SNRPB: variants seen among roughly 807,000 people sequenced by gnomAD.
SNRPB encodes the protein small nuclear ribonucleoprotein polypeptides B and B1.
Under a neutral mutation model 26.6 loss-of-function variants are expected in SNRPB, and 5 were observed. The ratio of observed to expected loss-of-function variants is 0.19; its 90% confidence interval spans 0.10 to 0.39. SNRPB has a LOEUF of 0.39. SNRPB is among the 10% of genes least tolerant of loss of function. The pLI is 1.00. For missense variants in SNRPB, 211 were observed against 311.9 expected (o/e 0.68, Z 2.44); for synonymous variants, 122 against 105.8 (o/e 1.15, Z -0.94).
At position 2,470,337 on chromosome 20, in the gene SNRPB, G is replaced by A. The variant is rs529604670; in HGVS notation, c.3+351C>T. Among the ~76,000 whole-genome samples, 3 of 152,282 alleles carry A rather than the reference G, an allele frequency of 2.0e-5. No homozygotes were observed. The East Asian group carries it at 5.8e-4, about 29-fold the overall frequency. On this transcript the variant is annotated intron_variant, in intron 1 of 6. Transcript: ENST00000381342. ...TCTGAGCCTTTTACCGGGTCCCCCT[G>A]CGGCTCCAGTGCCTGCTCCGAAGCC...
chr20:2,463,109 C>G lies in SNRPB; in HGVS notation c.539G>C (p.Gly180Ala). Residue 180 changes from glycine (G) to alanine (A), a missense_variant, in exon 5 of 7, where the codon GGC (glycine) becomes GCC (alanine). Physicochemically the swap from Gly to Ala is moderately conservative, Grantham distance 60 (BLOSUM62 0). Transcript: ENST00000381342. The surrounding 1 kb of genome is among the most constrained non-coding windows in gnomAD (Gnocchi z 5.0). ...PGRGGPPPPM[G>A]RGAPPPGMMG... ...CTCACCTGGAGGGGGTGCTCCTCGG[C>G]CCATAGGTGGGGGAGGACCCCCACG... 1 of 1,592,898 alleles carries G rather than the reference C, an allele frequency of 6.3e-7. No individual in the cohort carries two copies. Among genetic ancestry groups the G allele is most frequent in the Non-Finnish European group, 8.5e-7 (1 of 1,169,960 alleles).
intron 2 of SNRPB, chr20:2,467,081 T>A: frequency 3.5e-6 from 1 of 284,258 alleles, no homozygotes; most frequent in South Asian, 2.8e-5. Flanking sequence ...GGCAAGGGAG[T>A]TAGCCAATAA....
rs1278504780 is a variant in SNRPB at position 2,461,724 on chromosome 20, C to T, written c.*205G>A. 2 of 1,521,448 alleles carry T rather than the reference C, an allele frequency of 1.3e-6. No homozygotes were observed. The highest frequency in any genetic ancestry group is 1.8e-6 in the Non-Finnish European group (2 of 1,121,912). The allele number at this position is 1,521,448 out of a possible 1,614,324, so 94.2% of individuals were successfully genotyped here. ...GGACTATGTACAGCCTTACGGGAAA[C>T]AGGCAGGGAGCTGAGGAGGGCCAAG... On this transcript the variant is annotated 3_prime_UTR_variant, in exon 7 of 7. Coordinates refer to ENST00000381342, the MANE Select transcript of SNRPB (RefSeq NM_003091.4).
At chr20:2,470,294 C>T (rs2122497992) in intron 1 of SNRPB, among the ~76,000 whole-genome samples, 1 of 105,416 alleles carries the variant, frequency 9.5e-6, no homozygotes, top group East Asian at 3.2e-4. Flanking sequence ...CTTTCTCAGA[C>T]TCACAAACTT....
At position 2,467,442 on chromosome 20, in the gene SNRPB, CAA is replaced by C; in HGVS notation, c.155+163_155+164del. On this transcript the variant is annotated intron_variant, in intron 2 of 6. Transcript: ENST00000381342. ...ACTAGAGAGCAAGGTTTGCTGGACTCAAAAAGATTTCTTAGCGTTCAATGTCC... is the reference window on the plus strand; with the variant it reads ...ACTAGAGAGCAAGGTTTGCTGGACTCAAAGATTTCTTAGCGTTCAATGTCC... 7 of 678,058 alleles carry C rather than the reference CAA, an allele frequency of 1.0e-5. No individual in the cohort carries two copies. In the South Asian group the frequency reaches 1.3e-4, roughly 12 times the overall value. 42.0% of individuals were successfully genotyped at this position (678,058 alleles called of 1,614,324 possible).
Position 2,470,684 on chromosome 20 carries a change from T to C in SNRPB, c.3+4A>G, listed in dbSNP as rs748440984. 1 of 1,613,660 alleles carries C rather than the reference T, an allele frequency of 6.2e-7. No homozygotes were observed. The highest frequency in any genetic ancestry group is 8.5e-7 in the Non-Finnish European group (1 of 1,180,010). On this transcript the variant is annotated splice_donor_region_variant and intron_variant, in intron 1 of 6. Coordinates refer to ENST00000381342, the MANE Select transcript of SNRPB (RefSeq NM_003091.4). Reference sequence around the variant, plus strand: ...CCCGCGCCGCCAGCCTGTGCCCTCCTTACCATGGTGGCGGTTCTGATGGCT... The same window carrying C: ...CCCGCGCCGCCAGCCTGTGCCCTCCCTACCATGGTGGCGGTTCTGATGGCT...
At chr20:2,462,028 G>T in intron 6 of SNRPB, 89 bp from the exon 7 acceptor site, 1 of 865,802 alleles carries the variant, frequency 1.2e-6, no homozygotes. Context: ...TGCAGTAATC[G>T]AGTGAGGAGA....
rs569312885 is a variant in SNRPB, at chr20:2,469,130, A to T, written c.4-1372T>A. Reference sequence around the variant, plus strand: ...TCTGGCACTGTGATAAGCACAGTACATCTCATTTAATCCCCAAAATTGGGC... The same window carrying T: ...TCTGGCACTGTGATAAGCACAGTACTTCTCATTTAATCCCCAAAATTGGGC... On this transcript the variant is annotated intron_variant, in intron 1 of 6. Transcript: ENST00000381342. Among the ~76,000 whole-genome samples the T allele has an allele frequency of 1.6e-4, 25 of 152,248 alleles. No individual in the cohort carries two copies. The South Asian group carries it at 5.0e-3, about 30-fold the overall frequency.
chr20:2,462,752 C>A lies in SNRPB; in HGVS notation c.569G>T (p.Gly190Val). ...GRGAPPPGMMGPPPGMRPPMG... is the reference protein window; with the variant it reads ...GRGAPPPGMMVPPPGMRPPMG... ...AGGAGGTCTCATACCAGGAGGTGGG[C>A]CCATCATGCCTGCAAGAGAAAAGCC... Residue 190 changes from glycine (G) to valine (V), a missense_variant, in exon 6 of 7, where the codon GGC becomes GTC. Transcript: ENST00000381342. 6.5e-7 allele frequency: 1 copy of A among 1,537,184 alleles called. No homozygotes were observed. The highest frequency in any genetic ancestry group is 1.3e-5 in the South Asian group (1 of 79,304).
rs943462390 is a variant in SNRPB at position 2,470,756 on chromosome 20, A to G, written c.-66T>C. Reference sequence around the variant, plus strand: ...TCCTCAGAGGCCTAGCCTCTCTCCCACAGCCGATTTCCCGCCGCCGCTACC... The same window carrying G: ...TCCTCAGAGGCCTAGCCTCTCTCCCGCAGCCGATTTCCCGCCGCCGCTACC... On this transcript the variant is annotated 5_prime_UTR_variant, in exon 1 of 7. Coordinates refer to ENST00000381342, the MANE Select transcript of SNRPB (RefSeq NM_003091.4). 1.3e-6 allele frequency: 2 copies of G among 1,594,222 alleles called. No homozygotes were observed. The highest frequency in any genetic ancestry group is 8.6e-7 in the Non-Finnish European group (1 of 1,166,372).
chr20:2,464,070 T>C (rs560349341), intron 3 of SNRPB, among the ~76,000 whole-genome samples, 171 bp from the exon 4 acceptor site: 2 of 152,330 alleles, frequency 1.3e-5, no homozygotes, highest in Admixed American at 1.3e-4. Context: ...CATCCAAGAC[T>C]ATGAGTTATC....
At position 2,461,731 on chromosome 20, in the gene SNRPB, G is replaced by A. The variant is rs2085034714; in HGVS notation, c.*198C>T. ...GTACAGCCTTACGGGAAACAGGCAG[G>A]GAGCTGAGGAGGGCCAAGATGAGTC... On this transcript the variant is annotated 3_prime_UTR_variant, in exon 7 of 7. Transcript: ENST00000381342. 6.5e-7 allele frequency: 1 copy of A among 1,550,276 alleles called. No individual in the cohort carries two copies. Among genetic ancestry groups the A allele is most frequent in the Non-Finnish European group, 8.7e-7 (1 of 1,144,332 alleles).
chr20:2,467,504 A>G, intron 2 of SNRPB, 103 bp downstream of exon 2: 1 of 1,083,120 alleles, frequency 9.2e-7, no homozygotes, highest in East Asian at 2.4e-5. Flanking sequence ...TGGAGAATAA[A>G]CAGAGAAGAA....
Position 2,463,867 on chromosome 20 carries a change from A to G in SNRPB, c.300T>C (p.Ala100=). Residue 100 remains alanine (A), a synonymous_variant, in exon 4 of 7, where the codon GCT becomes GCC. Coordinates refer to ENST00000381342, the MANE Select transcript of SNRPB (RefSeq NM_003091.4). This position sits in a 1 kb window ranked among gnomAD's most constrained non-coding sequence, Gnocchi z 5.0. ...CCCTGCCGATCCCTGGGCCCCCGGC[A>G]GCTCCAGCAAGTGGAACTCGAGCAA... ...TGIARVPLAG[A]AGGPGIGRAA... 1.2e-6 allele frequency: 2 copies of G among 1,613,690 alleles called. No individual in the cohort carries two copies. The highest frequency in any genetic ancestry group is 2.2e-5 in the South Asian group (2 of 91,054).
chr20:2,470,650 T>A, intron 1 of SNRPB, 38 bp downstream of exon 1: 1 of 1,613,202 alleles, frequency 6.2e-7, no homozygotes, highest in Non-Finnish European at 8.5e-7. Context: ...CACAACAGAC[T>A]CGGAAGCTCC....
intron 3 of SNRPB, among the ~76,000 whole-genome samples, chr20:2,465,076 A>G (rs2085063243): frequency 6.6e-6 from 1 of 152,252 alleles, no homozygotes; most frequent in Non-Finnish European, 1.5e-5. Flanking sequence ...TTCTATTTAT[A>G]AGATGAGAAT....
At chr20:2,466,171 T>A (rs2085071677) in intron 2 of SNRPB, among the ~76,000 whole-genome samples, 1 of 152,176 alleles carries the variant, frequency 6.6e-6, no homozygotes, top group African/African-American at 2.4e-5. Flanking sequence ...CTTGCCAACA[T>A]CAGGAGGCTG....
Position 2,461,836 on chromosome 20 carries a change from C to T in SNRPB, c.*93G>A, listed in dbSNP as rs1261287077. ...CAATCCCATGAGACTCCACGAACAACAGCATAAGAAACAAACAGGTCTGTG... is the reference window on the plus strand; with the variant it reads ...CAATCCCATGAGACTCCACGAACAATAGCATAAGAAACAAACAGGTCTGTG... On this transcript the variant is annotated 3_prime_UTR_variant, in exon 7 of 7. Coordinates refer to ENST00000381342, the MANE Select transcript of SNRPB (RefSeq NM_003091.4). 3 of 1,613,930 alleles carry T rather than the reference C, an allele frequency of 1.9e-6. No homozygotes were observed. Among genetic ancestry groups the T allele is most frequent in the Non-Finnish European group, 8.5e-7 (1 of 1,179,954 alleles).
chr20:2,463,773 G>A lies in SNRPB; in HGVS notation c.394C>T (p.Arg132Cys), dbSNP rs1016693454. The A allele has an allele frequency of 1.9e-6, 3 of 1,600,132 alleles. No homozygotes were observed. The highest frequency in any genetic ancestry group is 1.8e-5 in the Admixed American group (1 of 55,774). ...QAPAGLAGPV[R>C]GVGGPSQQVM... ...TGTTGGGATGGCCCGCCAACCCCAC[G>A]GACTGGCCCAGCAAGTCCTGCAGGA... The change falls in exon 4 of 7, where the codon CGT (arginine) becomes TGT (cysteine). Residue 132 changes from arginine to cysteine, a missense_variant. By Grantham distance (180) the Arg-to-Cys change is radical (BLOSUM62 -3). Transcript: ENST00000381342. This position sits in a 1 kb window ranked among gnomAD's most constrained non-coding sequence, Gnocchi z 5.0.
Sources: allele counts gnomAD v4.1 joint callset (sites outside exome capture counted in the v4.1 genomes callset), GRCh38; gene constraint gnomAD v4.1.1; non-coding constraint Gnocchi (gnomAD v3.1); transcripts MANE v1.5; gene names NCBI Gene and HGNC (gene_info 2026-07-23, HGNC 2026-07-21).